Variants in ACACA observed in about 807,000 individuals in gnomAD.
ACACA encodes acetyl-CoA carboxylase 1.
Under a neutral mutation model 296.1 loss-of-function variants are expected in ACACA, and 103 were observed. That is an observed-to-expected ratio of 0.35 (90% CI 0.30 to 0.41). ACACA has a LOEUF of 0.41. Among genes scored for constraint, ACACA ranks in the 10% least tolerant of loss-of-function variants. ACACA has a pLI of 1.00. For missense variants in ACACA, 1,554 were observed against 2,989.7 expected (o/e 0.52, Z 11.20); for synonymous variants, 953 against 1,038.6 (o/e 0.92, Z 1.58).
chr17:37,150,551 A>T (rs2075994671), intron 44 of ACACA, among the ~76,000 whole-genome samples: 1 of 151,476 alleles, frequency 6.6e-6, no homozygotes, highest in Admixed American at 6.6e-5. Flanking sequence ...CAAAAAAAAA[A>T]AGACCTACTT....
intron 3 of ACACA, 36 bp downstream of exon 3, chr17:37,330,137 C>T: frequency 6.2e-7 from 1 of 1,612,922 alleles, no homozygotes; most frequent in Non-Finnish European, 8.5e-7. Context: ...ACTAACAAGA[C>T]AGATTAAATA....
At chr17:37,379,328 T>C (rs1251928924) in intron 1 of ACACA, 6 of 1,613,892 alleles carry the variant, frequency 3.7e-6, no homozygotes, top group Non-Finnish European at 5.1e-6. Flanking sequence ...CTCCTCAAGC[T>C]GTCACCTAAT....
rs1301918596 is a variant in ACACA, at chr17:37,226,321, A to T, written c.3360+18T>A. ...TGAAAGCCATCCCTCCTTTAAGAAA[A>T]CCAACAAATGTCCTTACCTGGCGTG... On this transcript the variant is annotated intron_variant, in intron 26 of 55. Coordinates refer to ENST00000616317, the MANE Select transcript of ACACA (RefSeq NM_198834.3). The T allele has an allele frequency of 6.3e-7, 1 of 1,599,360 alleles. No homozygotes were observed. The highest frequency in any genetic ancestry group is 8.6e-7 in the Non-Finnish European group (1 of 1,166,476).
intron 47 of ACACA, among the ~76,000 whole-genome samples, chr17:37,126,678 G>C (rs1274410768): frequency 6.6e-6 from 1 of 152,170 alleles, no homozygotes; most frequent in African/African-American, 2.4e-5. Context: ...TAAAAGTGGA[G>C]ATCTGAGCAA....
chr17:37,159,381 C>T (rs1225054106), intron 42 of ACACA, among the ~76,000 whole-genome samples: 3 of 151,972 alleles, frequency 2.0e-5, no homozygotes, highest in African/African-American at 7.3e-5. Flanking sequence ...GCTACCATGA[C>T]CAGCTAATTT....
At chr17:37,257,913 G>A (rs371062592) in intron 13 of ACACA, 47 bp from the exon 14 acceptor site, 3 of 1,599,630 alleles carry the variant, frequency 1.9e-6, no homozygotes, top group East Asian at 4.5e-5. Context: ...TTCGAAGGAA[G>A]AGAAGATTTA....
intron 1 of ACACA, among the ~76,000 whole-genome samples, chr17:37,360,625 T>C (rs1597706717): frequency 6.6e-6 from 1 of 152,164 alleles, no homozygotes; most frequent in East Asian, 1.9e-4. Context: ...TGCCTGCGCC[T>C]GTGAATAGCC....
chr17:37,385,192 C>A (rs1241226575), intron 1 of ACACA, among the ~76,000 whole-genome samples: 1 of 152,170 alleles, frequency 6.6e-6, no homozygotes, highest in East Asian at 1.9e-4. Flanking sequence ...CAAGGCCAGG[C>A]TGGGCACAGT....
At chr17:37,200,557 T>TAC in intron 33 of ACACA, 74 bp from the exon 34 acceptor site, 2 of 1,372,446 alleles carry the variant, frequency 1.5e-6, no homozygotes, top group East Asian at 4.7e-5. Context: ...CATTCGGCCC[T>TAC]TGTAAGGCTT....
At chr17:37,159,367 G>C (rs569368060) in intron 42 of ACACA, among the ~76,000 whole-genome samples, 6 of 151,922 alleles carry the variant, frequency 3.9e-5, no homozygotes, top group African/African-American at 1.5e-4. Context: ...GATTACAGAC[G>C]TGTGCTACCA....
Position 37,173,982 on chromosome 17 carries a change from TTATA to T in ACACA, c.5079+5274_5079+5277del, listed in dbSNP as rs1173883631. On this transcript the variant is annotated intron_variant, in intron 41 of 55. Transcript: ENST00000616317. ...GCGCCTGCCAACACGCCTGGCTAAT[TTATA>T]TATATATATATATATATATATATAT... 4.7e-3 allele frequency among the ~76,000 whole-genome samples: 91 copies of T among 19,404 alleles called. 2 individuals are homozygous for T. Among genetic ancestry groups the T allele is most frequent in the Non-Finnish European group, 5.6e-3 (54 of 9,642 alleles). 12.7% of individuals were successfully genotyped at this position (19,404 alleles called of 152,430 possible).
Position 37,283,361 on chromosome 17 carries a change from C to T in ACACA, c.516G>A (p.Arg172=). ...NNGIAAVKCM[R]SIRRWSYEMF... The stretch of plus-strand genomic sequence containing the variant: ...TTTCATAAGACCACCTACGGATAGA[C>T]CGCATGCATTTCACTGCTGCAATGC... Residue 172 remains arginine (R), a synonymous_variant, in exon 5 of 56, where the codon CGG becomes CGA. Transcript: ENST00000616317. 1 of 1,614,090 alleles carries T rather than the reference C, an allele frequency of 6.2e-7. No individual in the cohort carries two copies. Among genetic ancestry groups the T allele is most frequent in the Non-Finnish European group, 8.5e-7 (1 of 1,180,000 alleles).
chr17:37,150,143 G>T (rs780010242), intron 44 of ACACA, among the ~76,000 whole-genome samples, 169 bp from the exon 45 acceptor site: 8 of 152,142 alleles, frequency 5.3e-5, no homozygotes, highest in Non-Finnish European at 1.0e-4. Flanking sequence ...TCAAAGAAAA[G>T]AAAATACAAT....
chr17:37,316,300 C>CAT (rs1200017037), intron 3 of ACACA, among the ~76,000 whole-genome samples: 3 of 142,760 alleles, frequency 2.1e-5, no homozygotes, highest in East Asian at 4.0e-4. Flanking sequence ...TCTACCCTTA[C>CAT]ATACACACAC....
chr17:37,164,817 TTAAC>T (rs1202515339), intron 41 of ACACA, among the ~76,000 whole-genome samples: 5 of 152,220 alleles, frequency 3.3e-5, no homozygotes, highest in African/African-American at 1.2e-4. Flanking sequence ...TTATGATATA[TTAAC>T]CCTAGGCACA....
chr17:37,155,418 T>C (rs2076200791), intron 43 of ACACA, among the ~76,000 whole-genome samples: 1 of 152,148 alleles, frequency 6.6e-6, no homozygotes, highest in Admixed American at 6.5e-5. Flanking sequence ...GAAGGTGGGA[T>C]TGTGGCTAAT....
At position 37,155,899 on chromosome 17, in the gene ACACA, C is replaced by G. The variant is rs12942615; in HGVS notation, c.5350-119G>C. On this transcript the variant is annotated intron_variant, in intron 42 of 55. Coordinates refer to ENST00000616317, the MANE Select transcript of ACACA (RefSeq NM_198834.3). ...CTAGCTTTAAATTGCCACATCACTTCTTAGGTTTACTGTCTAACAGAATAC... is the reference window on the plus strand; with the variant it reads ...CTAGCTTTAAATTGCCACATCACTTGTTAGGTTTACTGTCTAACAGAATAC... The G allele has an allele frequency of 3.6e-4, 261 of 724,102 alleles. 3 individuals carry two copies. The highest frequency in any genetic ancestry group is 1.3e-3 in the South Asian group (88 of 66,868). The allele number at this position is 724,102 out of a possible 1,614,324, so 44.9% of individuals were successfully genotyped here. A position where few individuals can be genotyped will look rare whatever the true frequency, so the allele number is the denominator to read the frequency against.
intron 45 of ACACA, among the ~76,000 whole-genome samples, chr17:37,136,942 C>CAA (rs769799822): frequency 0.014 from 1,605 of 117,272 alleles, 21 homozygotes; most frequent in East Asian, 0.055. Flanking sequence ...GACTCCGTCT[C>CAA]AAAAAAAAAA....
At chr17:37,216,168 T>TACAC (rs2078982351) in intron 29 of ACACA, among the ~76,000 whole-genome samples, 1 of 83,714 alleles carries the variant, frequency 1.2e-5, no homozygotes, top group African/African-American at 5.8e-5. Context: ...AACATACACA[T>TACAC]GTTACATATA....
Sources: allele counts gnomAD v4.1 joint callset (sites outside exome capture counted in the v4.1 genomes callset), GRCh38; gene constraint gnomAD v4.1.1; transcripts MANE v1.5; gene names NCBI Gene and HGNC (gene_info 2026-07-23, HGNC 2026-07-21).